LRRC8C: variants seen among roughly 807,000 people sequenced by gnomAD.
LRRC8C encodes the protein leucine rich repeat containing 8 VRAC subunit C, also known as volume-regulated anion channel subunit LRRC8C.
A neutral mutation model predicts 55.3 loss-of-function variants in LRRC8C; 20 were observed. The ratio of observed to expected loss-of-function variants is 0.36; its 90% CI spans 0.25 to 0.53. The LOEUF (loss-of-function observed/expected upper bound fraction) is 0.53. Among genes scored for constraint, LRRC8C ranks in the 20% least tolerant of loss-of-function variants. The pLI is 0.92. For synonymous variants in LRRC8C, 376 were observed against 360.7 expected (o/e 1.04, Z -0.48); for missense variants, 659 against 951.4 (o/e 0.69, Z 4.04).
chr1:89,634,141 C>T (rs150363547), intron 1 of LRRC8C, among the ~76,000 whole-genome samples: 1 of 152,346 alleles, frequency 6.6e-6, no homozygotes, highest in African/African-American at 2.4e-5. Context: ...AACCTCGCAT[C>T]CTCCGTAGTT....
Position 89,661,691 on chromosome 1 carries a change from A to C in LRRC8C, c.-4-24779A>C, listed in dbSNP as rs927929899. On this transcript the variant is annotated intron_variant, in intron 1 of 2. Transcript: ENST00000370454. ...TCTGCCCTCCTGGGACTTGCATTCA[A>C]GTGGGAGGAGAGAGAAAAGGAAATG... 2.6e-5 allele frequency among the ~76,000 whole-genome samples: 4 copies of C among 152,216 alleles called. No individual in the cohort carries two copies. In the East Asian group the frequency reaches 7.7e-4, roughly 29 times the overall value.
rs578118052 is a variant in LRRC8C, at chr1:89,663,429, G to T, written c.-4-23041G>T. Among the ~76,000 whole-genome samples, 57 of 152,184 alleles carry T rather than the reference G, an allele frequency of 3.7e-4. 3 individuals are homozygous for T. In the South Asian group the frequency reaches 0.011, roughly 30 times the overall value. ...ACTAAAAATACAAAAAATTAGCCGG[G>T]CTTGGTGGCCAGCACCTGTAGTCCT... On this transcript the variant is annotated intron_variant, in intron 1 of 2. Coordinates refer to ENST00000370454, the MANE Select transcript of LRRC8C (RefSeq NM_032270.5).
intron 1 of LRRC8C, among the ~76,000 whole-genome samples, chr1:89,665,126 T>C (rs1406803166): frequency 6.6e-6 from 1 of 152,222 alleles, no homozygotes; most frequent in Non-Finnish European, 1.5e-5. Context: ...TTTATTTCTT[T>C]CTCTTGCCTG....
chr1:89,713,140 G>C lies in LRRC8C; in HGVS notation c.570G>C (p.Lys190Asn). The C allele has an allele frequency of 1.9e-6, 3 of 1,614,002 alleles. No homozygotes were observed. Among genetic ancestry groups the C allele is most frequent in the Non-Finnish European group, 1.7e-6 (2 of 1,180,032 alleles). ...ACTCAGAAGAAAAGGACAACAGGAA[G>C]AACAACATGAACAGGTCCAACACCA... is the stretch of plus-strand genomic sequence containing the variant. The part of the protein sequence containing the change: ...GEDSEEKDNR[K>N]NNMNRSNTIQ... The change falls in exon 3 of 3, where the codon AAG becomes AAC. Residue 190 changes from lysine (K) to asparagine (N), a missense_variant. Physicochemically the swap from Lys to Asn is moderately conservative, Grantham distance 94 (BLOSUM62 0). Transcript: ENST00000370454. The surrounding 1 kb of genome is among the most constrained non-coding windows in gnomAD (Gnocchi z 5.2).
At chr1:89,657,669 A>G (rs1267192114) in intron 1 of LRRC8C, among the ~76,000 whole-genome samples, 1 of 148,088 alleles carries the variant, frequency 6.8e-6, no homozygotes. Context: ...CGAACCCGGG[A>G]GGCAGAGGTT....
intron 1 of LRRC8C, among the ~76,000 whole-genome samples, chr1:89,682,478 G>C (rs888835751): frequency 3.3e-5 from 5 of 152,136 alleles, no homozygotes; most frequent in African/African-American, 7.2e-5. Context: ...CTCTACCTCG[G>C]TTCTCAAAGT....
chr1:89,689,645 GAA>G lies in LRRC8C; in HGVS notation c.138+3038_138+3039del, dbSNP rs977249466. On this transcript the variant is annotated intron_variant, in intron 2 of 2. Transcript: ENST00000370454. ...GAAAGATTAAATGTGAAATACAAGA[GAA>G]AAAGAGAAATCGGCCGGGCATGGTG... Among the ~76,000 whole-genome samples the G allele has an allele frequency of 2.4e-4, 37 of 152,110 alleles. 1 individual carries two copies. The highest frequency in any genetic ancestry group is 2.4e-3 in the Admixed American group (36 of 15,280).
intron 1 of LRRC8C, among the ~76,000 whole-genome samples, chr1:89,663,660 G>A (rs527371742): frequency 2.6e-4 from 39 of 152,204 alleles, no homozygotes; most frequent in African/African-American, 9.4e-4. Flanking sequence ...GGATTGCTGG[G>A]TCAAATGGTG....
chr1:89,705,225 A>G (rs1658441419), intron 2 of LRRC8C, among the ~76,000 whole-genome samples: 2 of 138,062 alleles, frequency 1.4e-5, no homozygotes, highest in South Asian at 4.6e-4. Flanking sequence ...TTGAACAGTG[A>G]GAACACATGG....
At chr1:89,619,532 TATTC>T in the LRRC8C span, among the ~76,000 whole-genome samples, 1 of 150,490 alleles carries the variant, frequency 6.6e-6, no homozygotes, top group Non-Finnish European at 1.5e-5. Context: ...AGGTAATAAG[TATTC>T]ATTATGTTCA....
intron 1 of LRRC8C, among the ~76,000 whole-genome samples, chr1:89,647,041 A>G (rs901354951): frequency 6.6e-6 from 1 of 152,078 alleles, no homozygotes; most frequent in African/African-American, 2.4e-5. Context: ...CATAACATTA[A>G]TAATATTTTA....
chr1:89,645,958 CAGATAGAT>C lies in LRRC8C; in HGVS notation c.-5+12658_-5+12665del, dbSNP rs57855698. Among the ~76,000 whole-genome samples, 15 of 150,308 alleles carry C rather than the reference CAGATAGAT, an allele frequency of 1.0e-4. No homozygotes were observed. The South Asian group carries it at 1.3e-3, about 13-fold the overall frequency. ...ATAGGTAGTTTGGTAGGAAGATGAT[CAGATAGAT>C]AGATAGATAGATAGATAGATATGGT... On this transcript the variant is annotated intron_variant, in intron 1 of 2. Coordinates refer to ENST00000370454, the MANE Select transcript of LRRC8C (RefSeq NM_032270.5).
At chr1:89,628,017 G>A in the LRRC8C span, among the ~76,000 whole-genome samples, 8 of 152,154 alleles carry the variant, frequency 5.3e-5, no homozygotes, top group Non-Finnish European at 1.2e-4. Context: ...TGGTCCCAAG[G>A]AATTTGGGTA....
intron 1 of LRRC8C, among the ~76,000 whole-genome samples, chr1:89,666,697 A>T (rs1473454348): frequency 1.3e-5 from 2 of 152,186 alleles, no homozygotes; most frequent in Non-Finnish European, 2.9e-5. Context: ...TTAGTCACAT[A>T]AACATTTCTG....
chr1:89,683,653 C>T (rs1430608048), intron 1 of LRRC8C, among the ~76,000 whole-genome samples: 1 of 151,988 alleles, frequency 6.6e-6, no homozygotes, highest in African/African-American at 2.4e-5. Flanking sequence ...TGAGCCTGGC[C>T]ACTAATTAAT....
intron 1 of LRRC8C, among the ~76,000 whole-genome samples, chr1:89,635,896 G>C (rs1656264730): frequency 6.6e-6 from 1 of 152,166 alleles, no homozygotes; most frequent in African/African-American, 2.4e-5. Context: ...CTGGAGTGTT[G>C]ACTGTATCTC....
At chr1:89,630,749 T>C (rs1178749043), upstream of LRRC8C, among the ~76,000 whole-genome samples, 1 of 152,348 alleles carries the variant, frequency 6.6e-6, no homozygotes, top group South Asian at 2.1e-4. Flanking sequence ...CTCACTCAAG[T>C]TGACTGATTG....
At chr1:89,655,351 G>C (rs1193636452) in intron 1 of LRRC8C, among the ~76,000 whole-genome samples, 2 of 151,510 alleles carry the variant, frequency 1.3e-5, no homozygotes, top group African/African-American at 4.9e-5. Context: ...GTGAACTCCT[G>C]CTCTCTGCTT....
At chr1:89,693,430 C>G (rs1323292073) in intron 2 of LRRC8C, among the ~76,000 whole-genome samples, 1 of 152,092 alleles carries the variant, frequency 6.6e-6, no homozygotes, top group Non-Finnish European at 1.5e-5. Flanking sequence ...CTTGCTTCTA[C>G]TCCCCCCATG....
Sources: gnomAD v4.1 joint callset for allele counts (sites outside exome capture counted in the v4.1 genomes callset) on GRCh38, gnomAD v4.1.1 for gene constraint, Gnocchi (gnomAD v3.1) non-coding constraint, MANE v1.5 for transcripts, NCBI Gene and HGNC (gene_info 2026-07-23, HGNC 2026-07-21) for gene names.